The following STXBP5L variants were observed in gnomAD, a reference collection of about 807,000 sequenced individuals.
The protein encoded by STXBP5L is syntaxin binding protein 5L, also known as syntaxin-binding protein 5-like.
STXBP5L carries 65 observed loss-of-function variants against 144.5 expected under a neutral mutation model. That is an observed-to-expected ratio of 0.45 (90% CI 0.37 to 0.55). The LOEUF is 0.55. STXBP5L is among the 20% of genes least tolerant of loss of function. The probability of loss-of-function intolerance (pLI) is 0.00; values close to 1 mark genes in which losing one functional copy is unlikely to be tolerated. For synonymous variants in STXBP5L, 505 were observed against 469.6 expected, an observed-to-expected ratio of 1.08 and a Z score of -0.97; for missense variants, 1,298 against 1,405.5, an observed-to-expected ratio of 0.92 and a Z score of 1.22.
At chr3:121,144,615 G>A (rs537970598) in intron 7 of STXBP5L, among the ~76,000 whole-genome samples, 1 of 151,890 alleles carries the variant, frequency 6.6e-6, no homozygotes, top group Admixed American at 6.6e-5. Flanking sequence ...TCCCATTTCT[G>A]GATATTTATA....
At chr3:120,964,029 A>G (rs1014102041) in intron 3 of STXBP5L, among the ~76,000 whole-genome samples, 8 of 152,032 alleles carry the variant, frequency 5.3e-5, no homozygotes, top group Admixed American at 2.0e-4. Flanking sequence ...GAATTTATCC[A>G]TTTCTTCTAG....
chr3:121,321,626 G>T (rs2043973386), intron 20 of STXBP5L, among the ~76,000 whole-genome samples: 1 of 152,134 alleles, frequency 6.6e-6, no homozygotes, highest in African/African-American at 2.4e-5. Flanking sequence ...AAGGCTTCTG[G>T]TCTCCAGATC....
At chr3:121,346,599 C>T (rs1340090771) in intron 20 of STXBP5L, among the ~76,000 whole-genome samples, 2 of 152,278 alleles carry the variant, frequency 1.3e-5, no homozygotes, top group Non-Finnish European at 2.9e-5. Context: ...TTCTCCACAT[C>T]CTCTCCAGCA....
intron 9 of STXBP5L, among the ~76,000 whole-genome samples, chr3:121,199,496 T>A (rs9881524): frequency 0.099 from 15,097 of 152,190 alleles, 1,180 homozygotes; most frequent in Admixed American, 0.2. Context: ...CTGATTGCCC[T>A]GGCCAGAACT....
At chr3:120,971,745 T>C (rs912673016) in intron 3 of STXBP5L, among the ~76,000 whole-genome samples, 1 of 149,516 alleles carries the variant, frequency 6.7e-6, no homozygotes, top group Non-Finnish European at 1.5e-5. Flanking sequence ...TGTGTATATA[T>C]ATATCACATT....
At chr3:120,982,774 C>T (rs1008725460) in intron 3 of STXBP5L, among the ~76,000 whole-genome samples, 1 of 152,190 alleles carries the variant, frequency 6.6e-6, no homozygotes, top group Non-Finnish European at 1.5e-5. Context: ...GACTTAGACC[C>T]TGGACTGATC....
chr3:121,201,654 TG>T (rs2048143622), intron 9 of STXBP5L, among the ~76,000 whole-genome samples: 1 of 151,658 alleles, frequency 6.6e-6, no homozygotes, highest in Non-Finnish European at 1.5e-5. Flanking sequence ...CGTTACTGGT[TG>T]TTTTTTTTTT....
intron 20 of STXBP5L, among the ~76,000 whole-genome samples, chr3:121,333,434 T>G (rs558502714): frequency 5.3e-4 from 80 of 151,938 alleles, no homozygotes; most frequent in Non-Finnish European, 9.1e-4. Context: ...GAAAGATCTC[T>G]AATTAACAAC....
intron 9 of STXBP5L, among the ~76,000 whole-genome samples, chr3:121,182,687 C>G (rs765821440): frequency 8.6e-5 from 13 of 151,886 alleles, no homozygotes; most frequent in African/African-American, 2.9e-4. Context: ...AAAAAATATG[C>G]AAAAGATAAA....
At chr3:121,009,563 T>G (rs1450809858) in intron 3 of STXBP5L, among the ~76,000 whole-genome samples, 1 of 152,006 alleles carries the variant, frequency 6.6e-6, no homozygotes, top group Non-Finnish European at 1.5e-5. Flanking sequence ...AGGACCCATT[T>G]ATTTAAAAAG....
intron 18 of STXBP5L, among the ~76,000 whole-genome samples, chr3:121,275,935 C>G (rs1365654613): frequency 1.3e-5 from 2 of 151,984 alleles, no homozygotes; most frequent in African/African-American, 2.4e-5. Context: ...ATAGTTGGGT[C>G]TTACTTTTTA....
At chr3:121,318,406 A>G (rs2043854461) in intron 19 of STXBP5L, 69 bp from the exon 20 acceptor site, 1 of 1,231,116 alleles carries the variant, frequency 8.1e-7, no homozygotes. Context: ...ACTTGTAGGA[A>G]TTAAGAAATA....
intron 5 of STXBP5L, among the ~76,000 whole-genome samples, chr3:121,087,954 C>T (rs964173846): frequency 1.3e-5 from 2 of 152,036 alleles, no homozygotes; most frequent in African/African-American, 4.8e-5. Flanking sequence ...CTTTACTTCC[C>T]TTTACTTCTC....
At chr3:121,389,784 C>T (rs1466707849) in intron 22 of STXBP5L, among the ~76,000 whole-genome samples, 1 of 152,168 alleles carries the variant, frequency 6.6e-6, no homozygotes, top group Non-Finnish European at 1.5e-5. Flanking sequence ...TTTACATTTA[C>T]TGAGGAGTGC....
chr3:121,076,456 G>A (rs1224786758), intron 5 of STXBP5L, among the ~76,000 whole-genome samples: 2 of 152,006 alleles, frequency 1.3e-5, no homozygotes, highest in African/African-American at 4.8e-5. Flanking sequence ...CTCTTTCTGT[G>A]GTTCCTGGTT....
At chr3:121,154,141 G>C (rs1011564352) in intron 8 of STXBP5L, among the ~76,000 whole-genome samples, 14 of 151,764 alleles carry the variant, frequency 9.2e-5, no homozygotes, top group Admixed American at 8.5e-4. Context: ...AGGATTTGCA[G>C]CTGCCTTAGT....
At chr3:121,412,629 T>C (rs2047138022) in intron 23 of STXBP5L, among the ~76,000 whole-genome samples, 1 of 150,266 alleles carries the variant, frequency 6.7e-6, no homozygotes, top group African/African-American at 2.4e-5. Context: ...GTTTAAGTGG[T>C]TTATTGACAT....
At chr3:121,143,293 T>TAAA (rs531040209) in intron 7 of STXBP5L, among the ~76,000 whole-genome samples, 1 of 138,940 alleles carries the variant, frequency 7.2e-6, no homozygotes, top group Non-Finnish European at 1.6e-5. Flanking sequence ...GTCCTTAAAT[T>TAAA]AAAAAAAAAA....
intron 22 of STXBP5L, among the ~76,000 whole-genome samples, chr3:121,386,181 C>T (rs1025193233): frequency 6.6e-6 from 1 of 152,098 alleles, no homozygotes; most frequent in Non-Finnish European, 1.5e-5. Context: ...GCCTCATACA[C>T]AATAGTCAAC....
Sources: allele counts gnomAD v4.1 joint callset (sites outside exome capture counted in the v4.1 genomes callset), GRCh38; gene constraint gnomAD v4.1.1; transcripts MANE v1.5; gene names NCBI Gene and HGNC (gene_info 2026-07-23, HGNC 2026-07-21).